The following STAM variants were observed in gnomAD, a reference collection of about 807,000 sequenced individuals.
STAM encodes the protein signal transducing adapter molecule 1.
STAM carries 16 observed loss-of-function variants against 63.4 expected under a neutral mutation model. The observed-to-expected ratio is 0.25, with a 90% CI of 0.17 to 0.38. The LOEUF (loss-of-function observed/expected upper bound fraction) is 0.38. Among genes scored for constraint, STAM ranks in the 10% least tolerant of loss-of-function variants. STAM has a pLI of 1.00. For synonymous variants in STAM, 238 were observed against 223.9 expected (o/e 1.06, Z -0.56); for missense variants, 636 against 657.1 (o/e 0.97, Z 0.35).
chr10:17,696,527 G>C lies in STAM; in HGVS notation c.729-248G>C, dbSNP rs1589094517. ...TTTTCGTATTGGTGCCTCTTTTTTTGGGAGAGAGTCCATAACTGCAGAGCA... is the reference window on the plus strand; with the variant it reads ...TTTTCGTATTGGTGCCTCTTTTTTTCGGAGAGAGTCCATAACTGCAGAGCA... On this transcript the variant is annotated intron_variant, in intron 7 of 13. Coordinates refer to ENST00000377524, the MANE Select transcript of STAM (RefSeq NM_003473.4). The C allele has an allele frequency of 2.2e-5, 8 of 361,280 alleles. No individual in the cohort carries two copies. In the East Asian group the frequency reaches 3.5e-4, roughly 16 times the overall value. The allele number at this position is 361,280 out of a possible 1,614,324, so 22.4% of individuals were successfully genotyped here.
chr10:17,709,797 C>T (rs975462650), intron 13 of STAM, among the ~76,000 whole-genome samples: 1 of 150,248 alleles, frequency 6.7e-6, no homozygotes, highest in Middle Eastern at 3.4e-3. Context: ...CAAAGAGTTA[C>T]GTGTTAGAGA....
chr10:17,699,891 T>A (rs1835916137), intron 8 of STAM, among the ~76,000 whole-genome samples: 1 of 152,230 alleles, frequency 6.6e-6, no homozygotes, highest in Admixed American at 6.5e-5. Flanking sequence ...TCCAGCTTAC[T>A]AAACTCTGAT....
intron 1 of STAM, among the ~76,000 whole-genome samples, chr10:17,645,139 A>T (rs1486800280): frequency 6.6e-6 from 1 of 151,922 alleles, no homozygotes; most frequent in Admixed American, 6.6e-5. Flanking sequence ...ATTTTATTTT[A>T]TTTTTTTCTG....
chr10:17,646,925 C>G (rs1360298026), intron 1 of STAM, among the ~76,000 whole-genome samples: 1 of 152,218 alleles, frequency 6.6e-6, no homozygotes, highest in South Asian at 2.1e-4. Context: ...ATTTGCACAT[C>G]TTCAAAATTA....
chr10:17,705,316 A>C (rs1206505363), intron 11 of STAM, among the ~76,000 whole-genome samples: 1 of 152,250 alleles, frequency 6.6e-6, no homozygotes, highest in Non-Finnish European at 1.5e-5. Context: ...CAGAGCTCAC[A>C]AATGACCCAT....
At chr10:17,688,006 A>G (rs1564554491) in intron 4 of STAM, 21 bp from the exon 5 acceptor site, 3 of 1,543,222 alleles carry the variant, frequency 1.9e-6, no homozygotes, top group Admixed American at 4.3e-5. Flanking sequence ...GTGCTCTTTT[A>G]TTTCTTTTTC....
rs1554830661 is a variant in STAM, at chr10:17,714,871, A to C, written c.*91A>C. ...ACTATCTTAAGATGTGTTTATCCTC[A>C]GCTTATAGGAATCTCTCCAGGTCAA... On this transcript the variant is annotated 3_prime_UTR_variant, in exon 14 of 14. Transcript: ENST00000377524. The C allele has an allele frequency of 8.1e-7, 1 of 1,229,148 alleles. No individual in the cohort carries two copies. Among genetic ancestry groups the C allele is most frequent in the African/African-American group, 1.5e-5 (1 of 67,284 alleles). 76.1% of individuals were successfully genotyped at this position (1,229,148 alleles called of 1,614,324 possible). A position where few individuals can be genotyped will look rare whatever the true frequency, so the allele number is the denominator to read the frequency against.
At chr10:17,694,470 A>G (rs2131656839) in intron 6 of STAM, among the ~76,000 whole-genome samples, 1 of 152,294 alleles carries the variant, frequency 6.6e-6, no homozygotes, top group Admixed American at 6.5e-5. Flanking sequence ...CAATGCACTG[A>G]TATTACATTT....
chr10:17,683,268 A>C (rs782591639), intron 2 of STAM, among the ~76,000 whole-genome samples: 2 of 152,024 alleles, frequency 1.3e-5, no homozygotes, highest in African/African-American at 2.4e-5. Flanking sequence ...GGCTCAAGTG[A>C]ACCTCCCACC....
chr10:17,672,172 C>T (rs1199101949), intron 2 of STAM, among the ~76,000 whole-genome samples: 1 of 152,284 alleles, frequency 6.6e-6, no homozygotes, highest in African/African-American at 2.4e-5. Context: ...TTCAGATAAT[C>T]TCACTAACTG....
chr10:17,669,648 C>T (rs1481829384), intron 2 of STAM, among the ~76,000 whole-genome samples: 1 of 150,550 alleles, frequency 6.6e-6, no homozygotes, highest in Non-Finnish European at 1.5e-5. Context: ...GCTGCTGTTT[C>T]AGTGGGGTTT....
At chr10:17,660,800 T>G (rs1487339425) in intron 2 of STAM, among the ~76,000 whole-genome samples, 1 of 152,206 alleles carries the variant, frequency 6.6e-6, no homozygotes, top group Non-Finnish European at 1.5e-5. Flanking sequence ...ATATTAGCAT[T>G]AAATTTAGTT....
At chr10:17,687,486 CTCAAAAAACAAA>C (rs1554826238) in intron 4 of STAM, among the ~76,000 whole-genome samples, 1 of 133,522 alleles carries the variant, frequency 7.5e-6, no homozygotes, top group African/African-American at 2.9e-5. Context: ...GAGACTCTGT[CTCAAAAAACAAA>C]CCAAAAAAAA....
intron 9 of STAM, among the ~76,000 whole-genome samples, chr10:17,703,873 T>C (rs1836132024): frequency 6.6e-6 from 1 of 152,214 alleles, no homozygotes; most frequent in African/African-American, 2.4e-5. Flanking sequence ...AAACAGCTGC[T>C]GTATTCACCA....
chr10:17,657,321 G>A (rs1208080475), intron 1 of STAM, among the ~76,000 whole-genome samples: 1 of 152,056 alleles, frequency 6.6e-6, no homozygotes, highest in Non-Finnish European at 1.5e-5. Context: ...ATTCCTAGTG[G>A]GTGTGGGAGA....
chr10:17,693,379 G>A, intron 6 of STAM, 67 bp downstream of exon 6: 1 of 1,328,762 alleles, frequency 7.5e-7, no homozygotes, highest in South Asian at 1.3e-5. Flanking sequence ...GATATTTAAA[G>A]GTAAAATAAA....
At chr10:17,664,504 A>G (rs1036771984) in intron 2 of STAM, among the ~76,000 whole-genome samples, 1 of 152,096 alleles carries the variant, frequency 6.6e-6, no homozygotes, top group Non-Finnish European at 1.5e-5. Context: ...TATATGGACA[A>G]CTTATAGAAA....
chr10:17,688,727 T>C (rs558585712), intron 5 of STAM, among the ~76,000 whole-genome samples: 1 of 152,218 alleles, frequency 6.6e-6, no homozygotes, highest in Admixed American at 6.5e-5. Context: ...CCTCCCAAAG[T>C]GCTAGGATTA....
chr10:17,702,880 C>T (rs1042742200), intron 9 of STAM, among the ~76,000 whole-genome samples: 2 of 151,680 alleles, frequency 1.3e-5, no homozygotes, highest in South Asian at 2.1e-4. Flanking sequence ...TGGTGGTGTG[C>T]GCTTGTAATC....
Sources: allele counts gnomAD v4.1 joint callset (sites outside exome capture counted in the v4.1 genomes callset), GRCh38; gene constraint gnomAD v4.1.1; transcripts MANE v1.5; gene names NCBI Gene and HGNC (gene_info 2026-07-23, HGNC 2026-07-21).